The following KIAA1328 variants were observed in gnomAD, a reference collection of about 807,000 sequenced individuals.
KIAA1328 encodes KIAA1328, also known as protein hinderin.
Under a neutral mutation model 68.1 loss-of-function variants are expected in KIAA1328, and 52 were observed. The observed-to-expected ratio is 0.76, with a 90% CI of 0.61 to 0.96. The LOEUF is 0.96. Among genes scored for constraint, KIAA1328 ranks in the 40% least tolerant of loss-of-function variants. The pLI, the probability that KIAA1328 is intolerant of heterozygous loss-of-function variation, is 0.00. For missense variants in KIAA1328, 641 were observed against 677.6 expected (o/e 0.95, Z 0.60); for synonymous variants, 232 against 239.4 (o/e 0.97, Z 0.28).
chr18:37,027,163 G>T (rs1053677918), intron 6 of KIAA1328, among the ~76,000 whole-genome samples: 1 of 152,136 alleles, frequency 6.6e-6, no homozygotes, highest in African/African-American at 2.4e-5. Context: ...ACTTACAAGG[G>T]ACGTGAAGGA....
intron 5 of KIAA1328, among the ~76,000 whole-genome samples, chr18:36,948,840 C>G (rs1462903661): frequency 6.6e-6 from 1 of 152,162 alleles, no homozygotes; most frequent in Non-Finnish European, 1.5e-5. Flanking sequence ...TAAGCCACTG[C>G]GACATGACTT....
At chr18:36,890,116 AAGGT>A (rs1281740439) in intron 5 of KIAA1328, among the ~76,000 whole-genome samples, 3 of 152,072 alleles carry the variant, frequency 2.0e-5, no homozygotes, top group Non-Finnish European at 4.4e-5. Context: ...GGGGTTTAGA[AAGGT>A]GCTTGTAGCT....
At chr18:36,843,171 C>T (rs963499818) in intron 3 of KIAA1328, among the ~76,000 whole-genome samples, 2 of 152,082 alleles carry the variant, frequency 1.3e-5, no homozygotes, top group Non-Finnish European at 2.9e-5. Context: ...CTAGACCTAC[C>T]TTTCCAGCTT....
At chr18:36,833,977 G>C (rs951839737) in intron 1 of KIAA1328, among the ~76,000 whole-genome samples, 3 of 152,252 alleles carry the variant, frequency 2.0e-5, no homozygotes, top group Admixed American at 6.5e-5. Flanking sequence ...GTTTACAAAA[G>C]GAAAGGAACC....
At chr18:37,200,550 G>T (rs184722855) in intron 9 of KIAA1328, among the ~76,000 whole-genome samples, 1 of 152,038 alleles carries the variant, frequency 6.6e-6, no homozygotes, top group South Asian at 2.1e-4. Context: ...GGTGGCTCAC[G>T]CCTGTAATCC....
rs760802041 is a variant in KIAA1328, at chr18:37,067,153, C to A, written c.840C>A (p.Val280=). 6.2e-7 allele frequency: 1 copy of A among 1,613,980 alleles called. No homozygotes were observed. The highest frequency in any genetic ancestry group is 1.7e-5 in the Admixed American group (1 of 60,016). Residue 280 remains valine (V), a synonymous_variant, in exon 7 of 10, where the codon GTC becomes GTA. Coordinates refer to ENST00000280020, the MANE Select transcript of KIAA1328 (RefSeq NM_020776.3). ...NCESPGRKPA[V]PTEKMPQEEL... ...AATCTCCAGGGAGAAAACCTGCAGT[C>A]CCAACAGAGAAAATGCCACAAGAAG...
chr18:36,831,754 G>A (rs1449403500), intron 1 of KIAA1328, among the ~76,000 whole-genome samples: 1 of 152,124 alleles, frequency 6.6e-6, no homozygotes, highest in Non-Finnish European at 1.5e-5. Context: ...TACATGTATT[G>A]CTGGCAAAAC....
intron 6 of KIAA1328, among the ~76,000 whole-genome samples, chr18:36,974,862 A>G (rs527320785): frequency 6.6e-6 from 1 of 152,320 alleles, no homozygotes; most frequent in African/African-American, 2.4e-5. Context: ...GCCATCTGTC[A>G]TAGGGCATTG....
At chr18:37,187,049 A>G (rs953195988) in intron 9 of KIAA1328, among the ~76,000 whole-genome samples, 1 of 152,142 alleles carries the variant, frequency 6.6e-6, no homozygotes, top group Non-Finnish European at 1.5e-5. Flanking sequence ...CTGTAGTTTT[A>G]GCTACTCAGG....
In KIAA1328 at chr18:37,224,274, G is replaced by A; in HGVS notation, c.*2047G>A. 2.0e-6 allele frequency: 2 copies of A among 985,400 alleles called. No homozygotes were observed. Among genetic ancestry groups the A allele is most frequent in the Non-Finnish European group, 2.4e-6 (2 of 829,920 alleles). The allele number at this position is 985,400 out of a possible 1,614,324, so 61.0% of individuals were successfully genotyped here. ...ATCAAGAAAAGGATCACAGTTTCTTGAAGAAGCTTGTTTGCCTTTAGAAGA... is the reference window on the plus strand; with the variant it reads ...ATCAAGAAAAGGATCACAGTTTCTTAAAGAAGCTTGTTTGCCTTTAGAAGA... On this transcript the variant is annotated 3_prime_UTR_variant, in exon 10 of 10. Coordinates refer to ENST00000280020, the MANE Select transcript of KIAA1328 (RefSeq NM_020776.3).
At chr18:37,114,102 A>G (rs560193520) in intron 7 of KIAA1328, among the ~76,000 whole-genome samples, 1 of 152,206 alleles carries the variant, frequency 6.6e-6, no homozygotes, top group Non-Finnish European at 1.5e-5. Context: ...CAGATCAACG[A>G]GACAGAAAGT....
chr18:37,108,599 T>C (rs2057839763), intron 7 of KIAA1328, among the ~76,000 whole-genome samples: 1 of 152,186 alleles, frequency 6.6e-6, no homozygotes, highest in Admixed American at 6.6e-5. Context: ...CTTACGCATT[T>C]TTTCATTGTA....
chr18:37,055,850 G>A (rs1341120893), intron 6 of KIAA1328, among the ~76,000 whole-genome samples: 1 of 152,166 alleles, frequency 6.6e-6, no homozygotes, highest in African/African-American at 2.4e-5. Flanking sequence ...GTTATAGGGT[G>A]CTTATCAGGA....
intron 6 of KIAA1328, among the ~76,000 whole-genome samples, chr18:37,025,223 C>T (rs2054518859): frequency 6.6e-6 from 1 of 152,050 alleles, no homozygotes; most frequent in African/African-American, 2.4e-5. Flanking sequence ...ATTCATAAAG[C>T]AAGTCCTCAG....
chr18:37,004,955 G>A (rs904180845), intron 6 of KIAA1328, among the ~76,000 whole-genome samples: 1 of 152,200 alleles, frequency 6.6e-6, no homozygotes. Flanking sequence ...GCAGCCACCT[G>A]GATGGAACTG....
intron 7 of KIAA1328, among the ~76,000 whole-genome samples, chr18:37,080,552 G>A (rs1180919840): frequency 1.3e-5 from 2 of 152,036 alleles, no homozygotes; most frequent in East Asian, 3.9e-4. Flanking sequence ...CGAGGCGGGT[G>A]GATCACGAGG....
chr18:37,223,861 C>T lies in KIAA1328; in HGVS notation c.*1634C>T. 3 of 983,794 alleles carry T rather than the reference C, an allele frequency of 3.0e-6. No individual in the cohort carries two copies. Among genetic ancestry groups the T allele is most frequent in the Non-Finnish European group, 2.4e-6 (2 of 828,582 alleles). The allele number at this position is 983,794 out of a possible 1,614,324, so 60.9% of individuals were successfully genotyped here. A position where few individuals can be genotyped will look rare whatever the true frequency, so the allele number is the denominator to read the frequency against. ...TCTTTGGAGTAGAAAAGAATGGAGC[C>T]CACTAATATTATATTTTTCTTCTGA... On this transcript the variant is annotated 3_prime_UTR_variant, in exon 10 of 10. Transcript: ENST00000280020.
At chr18:37,035,900 T>TC (rs2055007759) in intron 6 of KIAA1328, among the ~76,000 whole-genome samples, 1 of 152,228 alleles carries the variant, frequency 6.6e-6, no homozygotes, top group Non-Finnish European at 1.5e-5. Context: ...TACTCTTTTT[T>TC]TCTCTCTCTC....
chr18:36,890,320 T>C (rs1037353927), intron 5 of KIAA1328, among the ~76,000 whole-genome samples: 1 of 151,398 alleles, frequency 6.6e-6, no homozygotes, highest in Non-Finnish European at 1.5e-5. Context: ...ATTATCTATG[T>C]AAAAGTAATA....
Sources: allele counts gnomAD v4.1 joint callset (sites outside exome capture counted in the v4.1 genomes callset), GRCh38; gene constraint gnomAD v4.1.1; transcripts MANE v1.5; gene names NCBI Gene and HGNC (gene_info 2026-07-23, HGNC 2026-07-21).